The following DPYD variants were observed in gnomAD, a reference collection of about 807,000 sequenced individuals.
DPYD encodes the protein dihydropyrimidine dehydrogenase, also known as dihydropyrimidine dehydrogenase [NADP(+)].
DPYD carries 109 observed loss-of-function variants against 116.2 expected under a neutral mutation model. The ratio of observed to expected loss-of-function variants is 0.94; its 90% CI spans 0.80 to 1.10. The LOEUF is 1.10. Among genes scored for constraint, DPYD ranks in the 50% least tolerant of loss-of-function variants. The pLI is 0.00. For missense variants in DPYD, 1,302 were observed against 1,254.5 expected, an observed-to-expected ratio of 1.04 and a Z score of -0.57; for synonymous variants, 440 against 432.0, an observed-to-expected ratio of 1.02 and a Z score of -0.23.
intron 3 of DPYD, among the ~76,000 whole-genome samples, chr1:97,804,129 G>A (rs1008717636): frequency 6.6e-6 from 1 of 151,532 alleles, no homozygotes; most frequent in Non-Finnish European, 1.5e-5. Context: ...TATATTAAAC[G>A]TTATTTTTCT....
intron 8 of DPYD, among the ~76,000 whole-genome samples, chr1:97,599,202 C>G (rs1655087279): frequency 6.6e-6 from 1 of 152,268 alleles, no homozygotes; most frequent in East Asian, 1.9e-4. Flanking sequence ...GTGAATTCCT[C>G]TTGGGTATAT....
chr1:97,441,881 G>C (rs1028423213), intron 14 of DPYD, among the ~76,000 whole-genome samples: 1 of 151,990 alleles, frequency 6.6e-6, no homozygotes, highest in Non-Finnish European at 1.5e-5. Flanking sequence ...ACATTTGCTG[G>C]GCATGACCAA....
At chr1:97,773,835 T>C (rs1407405674) in intron 3 of DPYD, among the ~76,000 whole-genome samples, 3 of 152,158 alleles carry the variant, frequency 2.0e-5, no homozygotes, top group African/African-American at 7.2e-5. Context: ...CACCACTCAA[T>C]AAAAAACTTT....
intron 20 of DPYD, among the ~76,000 whole-genome samples, chr1:97,192,501 T>C (rs1658445131): frequency 6.6e-6 from 1 of 152,222 alleles, no homozygotes; most frequent in African/African-American, 2.4e-5. Context: ...ATGCTGAATG[T>C]TGTTTTAGCA....
intron 14 of DPYD, among the ~76,000 whole-genome samples, chr1:97,406,305 TTTTTTA>T (rs1673654933): frequency 1.3e-5 from 2 of 149,318 alleles, no homozygotes; most frequent in African/African-American, 2.4e-5. Flanking sequence ...TATTAATTTA[TTTTTTA>T]TTTTTAAGTA....
At chr1:97,554,563 T>C (rs1036753156) in intron 11 of DPYD, among the ~76,000 whole-genome samples, 3 of 152,116 alleles carry the variant, frequency 2.0e-5, no homozygotes, top group African/African-American at 7.2e-5. Context: ...AAAGGTGTGC[T>C]GAGGCAGTAA....
chr1:97,521,692 T>C (rs533164845), intron 12 of DPYD, among the ~76,000 whole-genome samples: 2 of 152,154 alleles, frequency 1.3e-5, no homozygotes, highest in East Asian at 1.9e-4. Flanking sequence ...AACAGCATGG[T>C]ACTGGTACCA....
At position 97,672,120 on chromosome 1, in the gene DPYD, C is replaced by G. The variant is rs529907222; in HGVS notation, c.850+6975G>C. 2.6e-5 allele frequency among the ~76,000 whole-genome samples: 4 copies of G among 151,896 alleles called. No individual in the cohort carries two copies. In the South Asian group the frequency reaches 8.3e-4, roughly 32 times the overall value. On this transcript the variant is annotated intron_variant, in intron 8 of 22. Transcript: ENST00000370192. ...AATCAGAACAAGAAGATTCAGAGGTCTCTAAAATAGACTTCTCTGTCTATC... is the reference window on the plus strand; with the variant it reads ...AATCAGAACAAGAAGATTCAGAGGTGTCTAAAATAGACTTCTCTGTCTATC...
chr1:97,568,300 T>C (rs1200696959), intron 11 of DPYD, among the ~76,000 whole-genome samples: 1 of 152,142 alleles, frequency 6.6e-6, no homozygotes, highest in Admixed American at 6.6e-5. Context: ...TATAAATCAA[T>C]TTAATTACTA....
Position 97,854,547 on chromosome 1 carries a change from A to G in DPYD, c.151-26351T>C, listed in dbSNP as rs983746518. On this transcript the variant is annotated intron_variant, in intron 2 of 22. Coordinates refer to ENST00000370192, the MANE Select transcript of DPYD (RefSeq NM_000110.4). ...CCCCCAGTTTAAGATTCTGAACACT[A>G]GCATGTAGAAAGGCTTTTGTGTCAG... Among the ~76,000 whole-genome samples the G allele has an allele frequency of 4.6e-5, 7 of 152,228 alleles. No homozygotes were observed. The East Asian group carries it at 1.3e-3, about 29-fold the overall frequency.
intron 20 of DPYD, among the ~76,000 whole-genome samples, chr1:97,124,447 C>G (rs1443929610): frequency 2.0e-5 from 3 of 151,822 alleles, no homozygotes; most frequent in African/African-American, 7.3e-5. Context: ...CTACAGTTAC[C>G]CAAAAAAACA....
intron 14 of DPYD, among the ~76,000 whole-genome samples, chr1:97,435,712 G>T (rs1000763794): frequency 2.0e-5 from 3 of 151,848 alleles, no homozygotes; most frequent in Admixed American, 1.3e-4. Context: ...ACAATAAAGA[G>T]GATGCTTTCA....
At chr1:97,749,432 G>A (rs576277996) in intron 3 of DPYD, among the ~76,000 whole-genome samples, 6 of 152,216 alleles carry the variant, frequency 3.9e-5, no homozygotes, top group African/African-American at 1.2e-4. Flanking sequence ...GCAAACCAAC[G>A]ATACTCCCAT....
intron 19 of DPYD, among the ~76,000 whole-genome samples, chr1:97,229,199 T>C (rs1175490620): frequency 4.3e-5 from 5 of 115,846 alleles, no homozygotes; most frequent in Non-Finnish European, 7.0e-5. Flanking sequence ...GCGAGACTCC[T>C]TCTCAAAAAA....
intron 3 of DPYD, among the ~76,000 whole-genome samples, chr1:97,812,340 T>C (rs191906162): frequency 2.0e-5 from 3 of 152,278 alleles, no homozygotes; most frequent in Admixed American, 2.0e-4. Context: ...AGAAAAAGAT[T>C]TGCCTCATAT....
intron 20 of DPYD, among the ~76,000 whole-genome samples, chr1:97,102,078 A>G (rs1650731065): frequency 1.3e-5 from 2 of 151,984 alleles, no homozygotes; most frequent in Non-Finnish European, 2.9e-5. Flanking sequence ...AAAGAAGTCT[A>G]TTTGGATTAT....
At chr1:97,141,311 A>T (rs1334775077) in intron 20 of DPYD, among the ~76,000 whole-genome samples, 1 of 152,084 alleles carries the variant, frequency 6.6e-6, no homozygotes, top group Non-Finnish European at 1.5e-5. Context: ...GAGCATGGCC[A>T]CTATTCCTCT....
chr1:97,305,467 A>G, intron 17 of DPYD, 89 bp from the exon 18 acceptor site: 1 of 1,544,766 alleles, frequency 6.5e-7, no homozygotes, highest in Non-Finnish European at 8.9e-7. Context: ...AGAAAAATGC[A>G]TTCTATTTTA....
intron 3 of DPYD, among the ~76,000 whole-genome samples, chr1:97,823,912 TAAAC>T (rs1332353338): frequency 1.7e-5 from 2 of 116,980 alleles, no homozygotes; most frequent in Non-Finnish European, 3.6e-5. Flanking sequence ...AACAAACAAG[TAAAC>T]AAACAAACAA....
Sources: gnomAD v4.1 joint callset for allele counts (sites outside exome capture counted in the v4.1 genomes callset) on GRCh38, gnomAD v4.1.1 for gene constraint, MANE v1.5 for transcripts, NCBI Gene and HGNC (gene_info 2026-07-23, HGNC 2026-07-21) for gene names.